The following NPAS2 variants were observed in gnomAD, a reference collection of about 807,000 sequenced individuals.
NPAS2 encodes neuronal PAS domain protein 2.
A neutral mutation model predicts 107.5 loss-of-function variants in NPAS2; 23 were observed. The observed-to-expected ratio is 0.21, with a 90% CI of 0.15 to 0.30. NPAS2 has a LOEUF of 0.30. NPAS2 is among the 10% of genes least tolerant of loss of function. NPAS2 has a pLI of 1.00. For missense variants in NPAS2, 756 were observed against 1,043.3 expected, an observed-to-expected ratio of 0.72 and a Z score of 3.79; for synonymous variants, 403 against 417.5, an observed-to-expected ratio of 0.97 and a Z score of 0.42.
intron 1 of NPAS2, among the ~76,000 whole-genome samples, chr2:100,895,060 G>A (rs532996586): frequency 6.6e-6 from 1 of 152,266 alleles, no homozygotes; most frequent in East Asian, 1.9e-4. Flanking sequence ...TCACTAGCTA[G>A]TCCAGTATTC....
intron 5 of NPAS2, among the ~76,000 whole-genome samples, chr2:100,946,848 A>T (rs1203904166): frequency 1.3e-5 from 2 of 152,174 alleles, no homozygotes; most frequent in African/African-American, 2.4e-5. Flanking sequence ...TACTATGGAC[A>T]CTGTTTGGTT....
chr2:100,929,018 C>G (rs1286927255), intron 3 of NPAS2, among the ~76,000 whole-genome samples: 1 of 152,204 alleles, frequency 6.6e-6, no homozygotes, highest in African/African-American at 2.4e-5. Flanking sequence ...ATTCTCCTGC[C>G]TTAGCTTCCC....
intron 2 of NPAS2, among the ~76,000 whole-genome samples, chr2:100,916,925 A>T (rs959243110): frequency 6.6e-6 from 1 of 152,228 alleles, no homozygotes; most frequent in Admixed American, 6.5e-5. Flanking sequence ...GTAGTAATCC[A>T]TGGGTCAAAG....
intron 1 of NPAS2, among the ~76,000 whole-genome samples, chr2:100,894,028 C>T (rs1313564854): frequency 2.0e-5 from 3 of 152,214 alleles, no homozygotes. Context: ...AGTCTTCTGT[C>T]TCACTGCTGA....
intron 1 of NPAS2, among the ~76,000 whole-genome samples, chr2:100,894,103 A>G (rs551901040): frequency 2.0e-5 from 3 of 152,204 alleles, no homozygotes; most frequent in Non-Finnish European, 4.4e-5. Flanking sequence ...CCAGGTCCCC[A>G]TTTGCCAGGG....
At chr2:100,920,886 G>A (rs189303681) in intron 2 of NPAS2, among the ~76,000 whole-genome samples, 1 of 152,340 alleles carries the variant, frequency 6.6e-6, no homozygotes, top group East Asian at 1.9e-4. Context: ...AGGTGACCAC[G>A]ACAGTGGGAA....
At chr2:100,982,758 CAGG>C (rs570792114) in intron 16 of NPAS2, 1 of 213,694 alleles carries the variant, frequency 4.7e-6, no homozygotes, top group African/African-American at 2.3e-5. Flanking sequence ...AGGCTGCCAT[CAGG>C]AGGAGATGGA....
At chr2:100,930,871 A>G (rs189784478) in intron 3 of NPAS2, among the ~76,000 whole-genome samples, 155 of 152,350 alleles carry the variant, frequency 1.0e-3, no homozygotes, top group African/African-American at 3.5e-3. Flanking sequence ...TCTGCTAGAA[A>G]AACAGTTAGT....
intron 1 of NPAS2, among the ~76,000 whole-genome samples, chr2:100,882,310 TAAAAC>T (rs1028837404): frequency 3.9e-5 from 6 of 152,008 alleles, no homozygotes; most frequent in Admixed American, 6.5e-5. Flanking sequence ...TTCCTTGACT[TAAAAC>T]AAAAAAACAA....
chr2:100,914,555 C>A (rs144518316), intron 2 of NPAS2, among the ~76,000 whole-genome samples: 471 of 152,272 alleles, frequency 3.1e-3, no homozygotes, highest in Middle Eastern at 0.01. Flanking sequence ...CTGTCATTCT[C>A]TTTGTTCTGC....
chr2:100,891,208 G>A (rs902399700), intron 1 of NPAS2, among the ~76,000 whole-genome samples: 1 of 151,472 alleles, frequency 6.6e-6, no homozygotes, highest in African/African-American at 2.4e-5. Context: ...CTCCAGCCTG[G>A]GCGACAGAAT....
intron 1 of NPAS2, among the ~76,000 whole-genome samples, chr2:100,865,382 C>T (rs545682232): frequency 1.3e-5 from 2 of 152,140 alleles, no homozygotes; most frequent in Non-Finnish European, 2.9e-5. Flanking sequence ...AGCCTGGACT[C>T]CTGTCTGCTT....
chr2:100,948,623 C>CT (rs3832054), intron 6 of NPAS2, among the ~76,000 whole-genome samples: 21 of 151,484 alleles, frequency 1.4e-4, no homozygotes, highest in South Asian at 4.2e-4. Context: ...TAAGATTTCT[C>CT]TTTTTTTTTG....
intron 1 of NPAS2, among the ~76,000 whole-genome samples, chr2:100,832,228 C>T (rs1676786681): frequency 6.6e-6 from 1 of 152,160 alleles, no homozygotes; most frequent in South Asian, 2.1e-4. Context: ...TGCCAGACAG[C>T]AGATATGAGC....
At chr2:100,853,856 A>T (rs1678377861) in intron 1 of NPAS2, among the ~76,000 whole-genome samples, 1 of 152,032 alleles carries the variant, frequency 6.6e-6, no homozygotes, top group Non-Finnish European at 1.5e-5. Flanking sequence ...GGAGGGAACA[A>T]GCGCTGTGCA....
chr2:100,948,118 T>A, intron 5 of NPAS2, 117 bp from the exon 6 acceptor site: 1 of 1,152,322 alleles, frequency 8.7e-7, no homozygotes, highest in Admixed American at 2.2e-5. Flanking sequence ...AAATCAGATA[T>A]TGAACTTTCC....
intron 1 of NPAS2, among the ~76,000 whole-genome samples, chr2:100,843,334 T>C (rs1677566960): frequency 6.6e-6 from 1 of 152,196 alleles, no homozygotes. Flanking sequence ...GCTTGAGCTT[T>C]AATCATTGGC....
At chr2:100,967,253 T>G (rs1306792308) in intron 10 of NPAS2, among the ~76,000 whole-genome samples, 2 of 142,334 alleles carry the variant, frequency 1.4e-5, no homozygotes, top group African/African-American at 5.2e-5. Flanking sequence ...TTTTTTTTTT[T>G]TTTTTTTTTT....
chr2:100,850,011 TAAAA>T (rs58359292), intron 1 of NPAS2, among the ~76,000 whole-genome samples: 48 of 56,210 alleles, frequency 8.5e-4, no homozygotes, highest in African/African-American at 1.9e-3. Flanking sequence ...ACTCTTTTTG[TAAAA>T]AAAAAAAAAA....
Sources: allele counts gnomAD v4.1 joint callset (sites outside exome capture counted in the v4.1 genomes callset), GRCh38; gene constraint gnomAD v4.1.1; transcripts MANE v1.5; gene names NCBI Gene and HGNC (gene_info 2026-07-23, HGNC 2026-07-21).